Variants in PSMD14 observed in about 807,000 individuals in gnomAD.
PSMD14 encodes ubiquitin C-terminal hydrolase PSMD14.
A neutral mutation model predicts 41.2 loss-of-function variants in PSMD14; 7 were observed. That is an observed-to-expected ratio of 0.17 (90% CI 0.10 to 0.32). PSMD14 has a LOEUF of 0.32. Ranked by LOEUF, PSMD14 falls within the 10% of genes least tolerant of loss-of-function variation. The pLI is 1.00. For synonymous variants in PSMD14, 114 were observed against 122.3 expected, an observed-to-expected ratio of 0.93 and a Z score of 0.45; for missense variants, 139 against 375.6, an observed-to-expected ratio of 0.37 and a Z score of 5.21.
In PSMD14 at chr2:161,367,445, T is replaced by C. The variant is rs1683374860; in HGVS notation, c.49-33T>C. ...ATTTTAAACTCATAAACTCTGTGTT[T>C]GTTTTAATAATAATTGATGTATTTG... On this transcript the variant is annotated intron_variant, in intron 3 of 11. Coordinates refer to ENST00000409682, the MANE Select transcript of PSMD14 (RefSeq NM_005805.6). 4 of 1,511,510 alleles carry C rather than the reference T, an allele frequency of 2.6e-6. No homozygotes were observed. In the Admixed American group the frequency reaches 7.8e-5, roughly 29 times the overall value. The allele number at this position is 1,511,510 out of a possible 1,614,324, so 93.6% of individuals were successfully genotyped here.
intron 3 of PSMD14, among the ~76,000 whole-genome samples, chr2:161,320,883 G>A (rs985196233): frequency 2.6e-5 from 4 of 151,802 alleles, no homozygotes; most frequent in East Asian, 1.9e-4. Context: ...TCACCACCAC[G>A]CCCAGCCGAT....
intron 3 of PSMD14, among the ~76,000 whole-genome samples, chr2:161,326,454 G>A (rs6713971): frequency 0.023 from 3,524 of 152,232 alleles, 141 homozygotes; most frequent in African/African-American, 0.079. Context: ...TACATTGATG[G>A]TAGAAATGTA....
chr2:161,368,579 C>G (rs1035586942), intron 5 of PSMD14, among the ~76,000 whole-genome samples: 13 of 151,748 alleles, frequency 8.6e-5, no homozygotes, highest in Non-Finnish European at 1.6e-4. Context: ...AGAAAATAGC[C>G]AAAAAACAAT....
chr2:161,321,691 AC>A (rs941221680), intron 3 of PSMD14, among the ~76,000 whole-genome samples: 1 of 152,220 alleles, frequency 6.6e-6, no homozygotes, highest in Non-Finnish European at 1.5e-5. Flanking sequence ...ATTCACTAGA[AC>A]AACTGACAAA....
chr2:161,368,421 T>C (rs1246737553), intron 5 of PSMD14, among the ~76,000 whole-genome samples: 4 of 152,116 alleles, frequency 2.6e-5, no homozygotes, highest in Non-Finnish European at 1.5e-5. Context: ...AATATTTTTT[T>C]CCCAGGCATG....
chr2:161,344,133 G>T (rs1171408199), intron 3 of PSMD14, among the ~76,000 whole-genome samples: 3 of 150,956 alleles, frequency 2.0e-5, no homozygotes, highest in African/African-American at 7.4e-5. Flanking sequence ...GGGGAGCGGT[G>T]GGGGGAGGTC....
chr2:161,326,290 G>A (rs6713728), intron 3 of PSMD14, among the ~76,000 whole-genome samples: 4 of 152,084 alleles, frequency 2.6e-5, no homozygotes, highest in Admixed American at 6.5e-5. Context: ...CTCGGCCTCC[G>A]AAAGTGCTGG....
chr2:161,329,887 ACT>A (rs1682760177), intron 3 of PSMD14, among the ~76,000 whole-genome samples: 1 of 152,060 alleles, frequency 6.6e-6, no homozygotes, highest in Non-Finnish European at 1.5e-5. Flanking sequence ...TACGTATTAA[ACT>A]CTGTGAAAAA....
At chr2:161,312,186 C>G (rs1400830378) in intron 1 of PSMD14, among the ~76,000 whole-genome samples, 1 of 151,626 alleles carries the variant, frequency 6.6e-6, no homozygotes, top group Non-Finnish European at 1.5e-5. Context: ...TTCTGTCACC[C>G]AGGCTGGAGT....
chr2:161,318,572 T>C (rs554828646), intron 2 of PSMD14, among the ~76,000 whole-genome samples: 2 of 152,292 alleles, frequency 1.3e-5, no homozygotes, highest in East Asian at 3.9e-4. Context: ...TTTGAAAGTA[T>C]GCTAAGATTG....
intron 10 of PSMD14, among the ~76,000 whole-genome samples, chr2:161,405,663 AAAG>A (rs1401353587): frequency 6.6e-6 from 1 of 152,202 alleles, no homozygotes; most frequent in African/African-American, 2.4e-5. Flanking sequence ...AAAAATCATG[AAAG>A]AAGTAAAATA....
chr2:161,394,824 G>A (rs1683769303), intron 9 of PSMD14, among the ~76,000 whole-genome samples: 1 of 152,096 alleles, frequency 6.6e-6, no homozygotes, highest in East Asian at 1.9e-4. Flanking sequence ...AAGGAAGAGA[G>A]GAAGGTAAGT....
intron 3 of PSMD14, among the ~76,000 whole-genome samples, chr2:161,338,340 A>G (rs1476299776): frequency 1.9e-5 from 1 of 52,226 alleles, no homozygotes; most frequent in Non-Finnish European, 3.5e-5. Flanking sequence ...GGGTTAGGAG[A>G]GTTTTTTTTT....
chr2:161,397,071 C>T (rs1257471377), intron 10 of PSMD14, among the ~76,000 whole-genome samples: 3 of 152,150 alleles, frequency 2.0e-5, no homozygotes, highest in African/African-American at 4.8e-5. Flanking sequence ...CTCAGGTGAT[C>T]CACCTGCCTT....
chr2:161,341,594 T>C (rs975917899), intron 3 of PSMD14, among the ~76,000 whole-genome samples: 16 of 151,286 alleles, frequency 1.1e-4, no homozygotes, highest in Non-Finnish European at 2.2e-4. Context: ...AATCCCATCA[T>C]GTTGGGAGGC....
chr2:161,348,005 A>G (rs951947305), intron 3 of PSMD14, among the ~76,000 whole-genome samples: 2 of 152,226 alleles, frequency 1.3e-5, no homozygotes, highest in African/African-American at 4.8e-5. Flanking sequence ...AATAAGAAAA[A>G]GATATCCATT....
intron 8 of PSMD14, among the ~76,000 whole-genome samples, chr2:161,387,666 A>G (rs1051401526): frequency 6.6e-6 from 1 of 152,038 alleles, no homozygotes; most frequent in East Asian, 1.9e-4. Flanking sequence ...GCAAGTGTAT[A>G]TTTTATAGAT....
intron 3 of PSMD14, among the ~76,000 whole-genome samples, chr2:161,359,745 A>G (rs916619776): frequency 2.0e-5 from 3 of 152,198 alleles, no homozygotes; most frequent in Non-Finnish European, 4.4e-5. Flanking sequence ...GAGGATTCTA[A>G]AATTATAAAC....
chr2:161,400,742 C>G (rs1172772569), intron 10 of PSMD14, among the ~76,000 whole-genome samples: 1 of 151,834 alleles, frequency 6.6e-6, no homozygotes, highest in Non-Finnish European at 1.5e-5. Context: ...GATGGGGTTT[C>G]ACTCTGTTGC....
Sources: gnomAD v4.1 joint callset for allele counts (sites outside exome capture counted in the v4.1 genomes callset) on GRCh38, gnomAD v4.1.1 for gene constraint, MANE v1.5 for transcripts, NCBI Gene and HGNC (gene_info 2026-07-23, HGNC 2026-07-21) for gene names.